The following CLYBL variants were observed in gnomAD, a reference collection of about 807,000 sequenced individuals.
CLYBL encodes citramalyl-CoA lyase, mitochondrial.
A neutral mutation model predicts 38.9 loss-of-function variants in CLYBL; 31 were observed. That is an observed-to-expected ratio of 0.80 (90% CI 0.60 to 1.08). The LOEUF is 1.08. Among genes scored for constraint, CLYBL ranks in the 50% least tolerant of loss-of-function variants. CLYBL has a pLI of 0.00. For missense variants in CLYBL, 434 were observed against 411.6 expected, an observed-to-expected ratio of 1.05 and a Z score of -0.47; for synonymous variants, 171 against 158.6, an observed-to-expected ratio of 1.08 and a Z score of -0.59.
intron 7 of CLYBL, among the ~76,000 whole-genome samples, chr13:99,890,539 C>T (rs1015505602): frequency 6.6e-6 from 1 of 152,144 alleles, no homozygotes; most frequent in Non-Finnish European, 1.5e-5. Flanking sequence ...GACCTTGGCT[C>T]ACTGCAACCT....
chr13:99,680,079 C>A (rs1487839857), intron 1 of CLYBL, among the ~76,000 whole-genome samples: 1 of 152,134 alleles, frequency 6.6e-6, no homozygotes, highest in African/African-American at 2.4e-5. Context: ...AAAACTGGCT[C>A]GTGTTTTCAT....
chr13:99,907,334 G>C (rs1013076068), intron 9 of CLYBL, among the ~76,000 whole-genome samples: 1 of 152,044 alleles, frequency 6.6e-6, no homozygotes, highest in Non-Finnish European at 1.5e-5. Flanking sequence ...CCTGAAATGA[G>C]TTAATACATA....
At chr13:99,660,709 C>T (rs7335639) in intron 1 of CLYBL, among the ~76,000 whole-genome samples, 21,301 of 152,146 alleles carry the variant, frequency 0.14, 1,709 homozygotes, top group African/African-American at 0.21. Context: ...AGCTATGTAT[C>T]CCGTCTACAT....
At chr13:99,771,881 T>C (rs2138789711) in intron 1 of CLYBL, among the ~76,000 whole-genome samples, 1 of 152,308 alleles carries the variant, frequency 6.6e-6, no homozygotes, top group Middle Eastern at 3.4e-3. Flanking sequence ...ATTATTTCCT[T>C]TAACTTAATC....
intron 2 of CLYBL, among the ~76,000 whole-genome samples, chr13:99,823,868 T>C (rs938853033): frequency 2.6e-5 from 4 of 152,244 alleles, no homozygotes; most frequent in Admixed American, 6.5e-5. Context: ...GACTGCCCAG[T>C]AAATCGTTCT....
At chr13:99,612,233 TTTTG>T (rs2046636691) in intron 1 of CLYBL, among the ~76,000 whole-genome samples, 1 of 152,154 alleles carries the variant, frequency 6.6e-6, no homozygotes, top group African/African-American at 2.4e-5. Context: ...AGAACCATCT[TTTTG>T]TTTTATCGAT....
intron 9 of CLYBL, among the ~76,000 whole-genome samples, chr13:99,906,362 T>C (rs1335151278): frequency 6.6e-6 from 1 of 152,152 alleles, no homozygotes; most frequent in African/African-American, 2.4e-5. Context: ...TAATCAGATA[T>C]GAGGAAAATA....
intron 1 of CLYBL, among the ~76,000 whole-genome samples, chr13:99,680,387 G>A (rs959669748): frequency 6.6e-6 from 1 of 152,178 alleles, no homozygotes; most frequent in African/African-American, 2.4e-5. Flanking sequence ...AGCCTGATGA[G>A]ATGGCATTCA....
rs77289547 is a variant in CLYBL, at chr13:99,674,946, A to G, written c.62+68189A>G. On this transcript the variant is annotated intron_variant, in intron 1 of 8. Transcript: ENST00000339105. ...CCACTCAGGAGACTGAGATGCAAGG[A>G]TGGCATGAGCCCAGGAGTTCGAGGC... is the stretch of plus-strand genomic sequence containing the variant. Among the ~76,000 whole-genome samples, 511 of 152,296 alleles carry G rather than the reference A, an allele frequency of 3.4e-3. 16 individuals are homozygous for G. The East Asian group carries it at 0.077, about 23-fold the overall frequency.
chr13:99,874,023 C>A (rs202202830), intron 7 of CLYBL, among the ~76,000 whole-genome samples: 1 of 152,184 alleles, frequency 6.6e-6, no homozygotes, highest in African/African-American at 2.4e-5. Flanking sequence ...CTTGTGGCTG[C>A]TTTGTTTCAG....
chr13:99,862,289 G>GT (rs1394464389), intron 3 of CLYBL, among the ~76,000 whole-genome samples: 32 of 152,026 alleles, frequency 2.1e-4, no homozygotes, highest in Admixed American at 2.0e-3. Context: ...TTTAGAGTGT[G>GT]TTTTTTTCCC....
intron 1 of CLYBL, among the ~76,000 whole-genome samples, chr13:99,722,915 CCT>C (rs748398100): frequency 1.3e-4 from 20 of 152,226 alleles, no homozygotes; most frequent in Admixed American, 4.6e-4. Flanking sequence ...CCCTTTCTCC[CCT>C]GTTTTAAGAA....
intron 7 of CLYBL, among the ~76,000 whole-genome samples, chr13:99,872,943 C>CT (rs5806140): frequency 5.9e-4 from 87 of 147,502 alleles, no homozygotes; most frequent in East Asian, 3.6e-3. Flanking sequence ...CAATTCTGGA[C>CT]TTTTTTTTTT....
chr13:99,754,555 C>T (rs1383816058), intron 1 of CLYBL, among the ~76,000 whole-genome samples: 2 of 151,760 alleles, frequency 1.3e-5, no homozygotes, highest in Non-Finnish European at 2.9e-5. Flanking sequence ...ACCACTATGC[C>T]CAGCTCTTCT....
intron 1 of CLYBL, among the ~76,000 whole-genome samples, chr13:99,772,328 CATTT>C (rs2049413364): frequency 6.6e-6 from 1 of 152,138 alleles, no homozygotes; most frequent in Admixed American, 6.5e-5. Flanking sequence ...GCCAAAATAA[CATTT>C]AGTTCATTGA....
At chr13:99,641,812 TA>T (rs971480216) in intron 1 of CLYBL, among the ~76,000 whole-genome samples, 5 of 148,648 alleles carry the variant, frequency 3.4e-5, no homozygotes, top group Admixed American at 6.7e-5. Flanking sequence ...ACTCCATCTT[TA>T]AAAAAAAAAT....
chr13:99,753,623 T>C (rs754665808), intron 1 of CLYBL, among the ~76,000 whole-genome samples: 8 of 152,200 alleles, frequency 5.3e-5, no homozygotes, highest in Non-Finnish European at 1.0e-4. Flanking sequence ...TTTACCTACA[T>C]TTATTAAAAT....
At chr13:99,695,150 G>T (rs867848086) in intron 1 of CLYBL, among the ~76,000 whole-genome samples, 16 of 152,102 alleles carry the variant, frequency 1.1e-4, no homozygotes, top group African/African-American at 3.9e-4. Flanking sequence ...TCCTGCTACC[G>T]TTTCAAAGAA....
chr13:99,871,501 T>C (rs1333033037), intron 7 of CLYBL, among the ~76,000 whole-genome samples: 1 of 152,166 alleles, frequency 6.6e-6, no homozygotes, highest in Non-Finnish European at 1.5e-5. Context: ...TACAGAAATC[T>C]CCTCCGGTTT....
Sources: gnomAD v4.1 joint callset for allele counts (sites outside exome capture counted in the v4.1 genomes callset) on GRCh38, gnomAD v4.1.1 for gene constraint, MANE v1.5 for transcripts, NCBI Gene and HGNC (gene_info 2026-07-23, HGNC 2026-07-21) for gene names.